The following VWA8 variants were observed in gnomAD, a reference collection of about 807,000 sequenced individuals.
The protein encoded by VWA8 is von Willebrand factor A domain containing 8, also known as von Willebrand factor A domain-containing protein 8.
In VWA8, 221 loss-of-function variants were observed where a neutral mutation model predicts 241.5. That is an observed-to-expected ratio of 0.91 (90% confidence interval 0.82 to 1.02). The LOEUF (loss-of-function observed/expected upper bound fraction) is 1.02. Among genes scored for constraint, VWA8 ranks in the 50% least tolerant of loss-of-function variants. The pLI is 0.00. For synonymous variants in VWA8, 852 were observed against 827.1 expected (o/e 1.03, Z -0.52); for missense variants, 2,322 against 2,328.7 (o/e 1.00, Z 0.06).
At chr13:41,891,693 C>A in intron 4 of VWA8, 106 bp from the exon 5 acceptor site, 2 of 1,208,404 alleles carry the variant, frequency 1.7e-6, no homozygotes, top group Non-Finnish European at 1.2e-6. Context: ...TTATAGGGAC[C>A]AGAAATCAAT....
chr13:41,858,798 TTAGA>T (rs571708362), intron 12 of VWA8, among the ~76,000 whole-genome samples: 1 of 152,210 alleles, frequency 6.6e-6, no homozygotes, highest in African/African-American at 2.4e-5. Flanking sequence ...AAGTAAATTC[TTAGA>T]TAGCATTGTA....
At chr13:41,585,886 G>GAAAAAAA (rs2044414743) in intron 42 of VWA8, among the ~76,000 whole-genome samples, 1 of 143,390 alleles carries the variant, frequency 7.0e-6, no homozygotes, top group Non-Finnish European at 1.5e-5. Flanking sequence ...AAAAGAAAAA[G>GAAAAAAA]AAAAAGAAAA....
intron 3 of VWA8, among the ~76,000 whole-genome samples, chr13:41,909,466 C>T (rs1447502569): frequency 6.6e-6 from 1 of 152,146 alleles, no homozygotes; most frequent in African/African-American, 2.4e-5. Flanking sequence ...TGAGAGAGCA[C>T]AATTTTGGAG....
chr13:41,806,799 T>A (rs1282340328), intron 17 of VWA8, among the ~76,000 whole-genome samples: 2 of 150,236 alleles, frequency 1.3e-5, no homozygotes, highest in Admixed American at 6.6e-5. Flanking sequence ...AATTGCTTGA[T>A]CCCTGGAAGG....
At chr13:41,675,094 GA>G (rs1164389883) in intron 36 of VWA8, 120 bp downstream of exon 36, 178 of 572,384 alleles carry the variant, frequency 3.1e-4, no homozygotes, top group Middle Eastern at 4.7e-4. Context: ...ACTGTAACTG[GA>G]AAAAAAAAGA....
At chr13:41,715,678 G>A (rs1233783047) in intron 26 of VWA8, among the ~76,000 whole-genome samples, 2 of 151,930 alleles carry the variant, frequency 1.3e-5, no homozygotes, top group African/African-American at 4.8e-5. Flanking sequence ...CCTTTGGTTG[G>A]ATGTTTGGAC....
At chr13:41,708,009 G>A (rs1189211681) in intron 26 of VWA8, among the ~76,000 whole-genome samples, 2 of 152,078 alleles carry the variant, frequency 1.3e-5, no homozygotes, top group Non-Finnish European at 2.9e-5. Flanking sequence ...AGACCTGAGA[G>A]AGAAAAAATT....
chr13:41,573,226 A>G (rs937706008), intron 43 of VWA8, among the ~76,000 whole-genome samples: 1 of 151,520 alleles, frequency 6.6e-6, no homozygotes, highest in East Asian at 1.9e-4. Flanking sequence ...TGGCCAACAT[A>G]ATGAAGCCCC....
At chr13:41,960,340 A>G (rs1265733240) in intron 1 of VWA8, among the ~76,000 whole-genome samples, 2 of 152,220 alleles carry the variant, frequency 1.3e-5, no homozygotes, top group African/African-American at 4.8e-5. Flanking sequence ...AAACTCCTGT[A>G]AAACTTGGAA....
At chr13:41,700,599 C>A (rs917516619) in intron 28 of VWA8, among the ~76,000 whole-genome samples, 3 of 152,176 alleles carry the variant, frequency 2.0e-5, no homozygotes, top group Non-Finnish European at 4.4e-5. Flanking sequence ...TAACTGTTTT[C>A]TCTTTTTGCA....
intron 17 of VWA8, among the ~76,000 whole-genome samples, chr13:41,799,595 A>G (rs1593779993): frequency 6.6e-6 from 1 of 152,030 alleles, no homozygotes; most frequent in Non-Finnish European, 1.5e-5. Context: ...AAACCTCTCC[A>G]CCTCACATAT....
rs965354989 is a variant in VWA8, at chr13:41,783,897, T to C, written c.2175A>G (p.Glu725=). The part of the protein sequence containing the change: ...LEPELKDYKC[E]VTSGTLRIGA... ...CAATCCTCAGAGTTCCAGATGTTAC[T>C]TCACCTAAACATTTCACACAGGACG... Residue 725 remains glutamate, a synonymous_variant, in exon 19 of 45, where the codon GAA becomes GAG. Transcript: ENST00000379310. 1.2e-6 allele frequency: 2 copies of C among 1,612,702 alleles called. No individual in the cohort carries two copies. The highest frequency in any genetic ancestry group is 1.7e-6 in the Non-Finnish European group (2 of 1,179,060).
At chr13:41,819,853 T>A (rs1258502199) in intron 14 of VWA8, among the ~76,000 whole-genome samples, 3 of 152,150 alleles carry the variant, frequency 2.0e-5, no homozygotes, top group African/African-American at 7.2e-5. Context: ...ACAGAAAATG[T>A]AAGAAACATA....
At chr13:41,588,238 C>T (rs1266779542) in intron 41 of VWA8, among the ~76,000 whole-genome samples, 2 of 152,228 alleles carry the variant, frequency 1.3e-5, no homozygotes, top group East Asian at 3.8e-4. Context: ...TACTAAGCTG[C>T]ACATCTTCTC....
intron 37 of VWA8, among the ~76,000 whole-genome samples, chr13:41,620,791 A>C (rs1429974809): frequency 6.6e-6 from 1 of 152,240 alleles, no homozygotes; most frequent in Non-Finnish European, 1.5e-5. Flanking sequence ...TTTTTAATAA[A>C]TAGTCAAATG....
chr13:41,915,174 A>G (rs527683997), intron 2 of VWA8, among the ~76,000 whole-genome samples: 2 of 152,346 alleles, frequency 1.3e-5, no homozygotes, highest in East Asian at 3.9e-4. Context: ...AGTAGAAGAG[A>G]AAAGCATGGA....
intron 21 of VWA8, among the ~76,000 whole-genome samples, chr13:41,743,973 T>C (rs1200484562): frequency 1.3e-5 from 2 of 152,248 alleles, no homozygotes; most frequent in Admixed American, 1.3e-4. Flanking sequence ...TAGAGAATTT[T>C]CTTCCACTAA....
intron 37 of VWA8, among the ~76,000 whole-genome samples, 184 bp from the exon 38 acceptor site, chr13:41,615,268 T>C (rs548006218): frequency 1.3e-5 from 2 of 152,170 alleles, no homozygotes; most frequent in African/African-American, 2.4e-5. Context: ...ATCCATCTAG[T>C]TGGGAAGAAG....
intron 9 of VWA8, among the ~76,000 whole-genome samples, chr13:41,876,784 T>C (rs1873919202): frequency 6.6e-6 from 1 of 151,752 alleles, no homozygotes; most frequent in Non-Finnish European, 1.5e-5. Flanking sequence ...ACAGTTGCTA[T>C]TACTTTCTTC....
Sources: allele counts gnomAD v4.1 joint callset (sites outside exome capture counted in the v4.1 genomes callset), GRCh38; gene constraint gnomAD v4.1.1; transcripts MANE v1.5; gene names NCBI Gene and HGNC (gene_info 2026-07-23, HGNC 2026-07-21).